The following SLC7A1 variants were observed in gnomAD, a reference collection of about 807,000 sequenced individuals.
SLC7A1 encodes the protein high affinity cationic amino acid transporter 1.
In SLC7A1, 10 loss-of-function variants were observed where a neutral mutation model predicts 53.9. That is an observed-to-expected ratio of 0.19 (90% CI 0.11 to 0.31). The LOEUF (loss-of-function observed/expected upper bound fraction) is 0.31. SLC7A1 is among the 10% of genes least tolerant of loss of function. The pLI, the probability that SLC7A1 is intolerant of heterozygous loss-of-function variation, is 1.00. For synonymous variants in SLC7A1, 342 were observed against 338.7 expected (o/e 1.01, Z -0.11); for missense variants, 525 against 827.2 (o/e 0.63, Z 4.48).
Position 29,546,362 on chromosome 13 carries a change from A to G in SLC7A1, c.-15+7399T>C, listed in dbSNP as rs532582570. On this transcript the variant is annotated intron_variant, in intron 2 of 12. Coordinates refer to ENST00000380752, the MANE Select transcript of SLC7A1 (RefSeq NM_003045.5). ...TTATTTAAAAAGAAATGTTTTAAAC[A>G]AAGTTCCCCCAAGATTAGAACACTG... is the stretch of plus-strand genomic sequence containing the variant. Among the ~76,000 whole-genome samples, 4 of 152,362 alleles carry G rather than the reference A, an allele frequency of 2.6e-5. No individual in the cohort carries two copies. In the East Asian group the frequency reaches 7.7e-4, roughly 29 times the overall value.
At chr13:29,589,316 C>A (rs557117409) in intron 1 of SLC7A1, among the ~76,000 whole-genome samples, 1 of 152,240 alleles carries the variant, frequency 6.6e-6, no homozygotes. Flanking sequence ...AGGGGTCTCC[C>A]CAGGTGGAGA....
In SLC7A1 at chr13:29,516,181, C is replaced by T. The variant is rs375335108; in HGVS notation, c.1743G>A (p.Leu581=). 7 of 1,613,702 alleles carry T rather than the reference C, an allele frequency of 4.3e-6. No individual in the cohort carries two copies. In the African/African-American group the frequency reaches 5.3e-5, roughly 12 times the overall value. Residue 581 remains leucine, a synonymous_variant, in exon 12 of 13, where the codon CTG becomes CTA. Coordinates refer to ENST00000380752, the MANE Select transcript of SLC7A1 (RefSeq NM_003045.5). ...CAAACCGGACCCAGGTGCCCTGGTC[C>T]AGCTGCATCATGAGATAGACGTTCA... The part of the protein sequence containing the change: ...IFVNVYLMMQ[L]DQGTWVRFAV...
At chr13:29,552,228 CACACACACACACACACACACACACACAG>C (rs1247628954) in intron 2 of SLC7A1, among the ~76,000 whole-genome samples, 1 of 142,180 alleles carries the variant, frequency 7.0e-6, no homozygotes, top group Non-Finnish European at 1.5e-5. Context: ...TCATTACACA[CACACACACACACACACACACACACACAG>C]ACACACACAC....
chr13:29,520,555 C>T (rs1483720245), intron 8 of SLC7A1, among the ~76,000 whole-genome samples: 1 of 152,140 alleles, frequency 6.6e-6, no homozygotes, highest in Non-Finnish European at 1.5e-5. Flanking sequence ...CTTTTGTGAG[C>T]GTTGTGAGAG....
intron 1 of SLC7A1, among the ~76,000 whole-genome samples, chr13:29,563,715 A>G (rs2139155891): frequency 6.6e-6 from 1 of 152,218 alleles, no homozygotes; most frequent in African/African-American, 2.4e-5. Context: ...TGCCAGCACT[A>G]CCCTGTGCTG....
chr13:29,526,235 C>T (rs115122210), intron 5 of SLC7A1, among the ~76,000 whole-genome samples: 2,320 of 152,170 alleles, frequency 0.015, 48 homozygotes, highest in African/African-American at 0.052. Flanking sequence ...GAGGCCGAGG[C>T]GGGAGAATCA....
intron 1 of SLC7A1, among the ~76,000 whole-genome samples, chr13:29,571,138 A>G (rs1476326208): frequency 2.0e-5 from 3 of 152,232 alleles, no homozygotes; most frequent in African/African-American, 7.2e-5. Context: ...TGCAAAAATA[A>G]TTGCAGTTTT....
chr13:29,522,232 G>T, intron 8 of SLC7A1, 85 bp downstream of exon 8: 2 of 1,372,256 alleles, frequency 1.5e-6, no homozygotes, highest in Non-Finnish European at 2.1e-6. Flanking sequence ...ATTACTCACA[G>T]ACCAGAACTG....
chr13:29,533,099 T>C (rs1397436966), intron 3 of SLC7A1, 117 bp from the exon 4 acceptor site: 2 of 1,043,432 alleles, frequency 1.9e-6, no homozygotes, highest in African/African-American at 3.2e-5. Context: ...CACTGGAATC[T>C]GGCAGCAGCA....
At chr13:29,530,427 C>A (rs2139093227) in intron 5 of SLC7A1, 111 bp downstream of exon 5, 1 of 967,490 alleles carries the variant, frequency 1.0e-6, no homozygotes, top group Non-Finnish European at 1.6e-6. Context: ...AACAAAATAT[C>A]CTCAAATAAT....
At chr13:29,562,083 C>T (rs1353883028) in intron 1 of SLC7A1, among the ~76,000 whole-genome samples, 1 of 152,222 alleles carries the variant, frequency 6.6e-6, no homozygotes, top group Non-Finnish European at 1.5e-5. Context: ...GACGGACCCA[C>T]ACTTCCTGAC....
intron 5 of SLC7A1, among the ~76,000 whole-genome samples, chr13:29,527,050 T>G (rs576156987): frequency 7.4e-6 from 1 of 135,032 alleles, no homozygotes; most frequent in East Asian, 2.1e-4. Context: ...TGGGCAACCA[T>G]AACAATGAAC....
intron 8 of SLC7A1, among the ~76,000 whole-genome samples, chr13:29,520,332 C>T (rs867102302): frequency 6.6e-6 from 1 of 152,082 alleles, no homozygotes; most frequent in Non-Finnish European, 1.5e-5. Context: ...GACAACAGTG[C>T]TGGGTGATAA....
intron 1 of SLC7A1, among the ~76,000 whole-genome samples, chr13:29,566,250 G>A (rs182946898): frequency 5.3e-5 from 8 of 152,286 alleles, no homozygotes; most frequent in Admixed American, 5.2e-4. Flanking sequence ...GTGCACAGAG[G>A]TACAATACAG....
rs776262800 is a variant in SLC7A1, at chr13:29,516,135, T to C, written c.1786+3A>G. The C allele has an allele frequency of 6.3e-7, 1 of 1,594,306 alleles. No homozygotes were observed. ...TGGACGTGCTGGCAGCAGCATCACA[T>C]ACCTATCAGCATCCACACAGCAAAC... On this transcript the variant is annotated splice_donor_region_variant and intron_variant, in intron 12 of 12. Coordinates refer to ENST00000380752, the MANE Select transcript of SLC7A1 (RefSeq NM_003045.5).
At chr13:29,592,109 C>T (rs1872135072) in intron 1 of SLC7A1, among the ~76,000 whole-genome samples, 1 of 152,188 alleles carries the variant, frequency 6.6e-6, no homozygotes, top group Non-Finnish European at 1.5e-5. Context: ...CAGTATTGGT[C>T]CCAACTCCCC....
At chr13:29,525,392 G>A (rs1374040981) in intron 5 of SLC7A1, among the ~76,000 whole-genome samples, 2 of 152,212 alleles carry the variant, frequency 1.3e-5, no homozygotes, top group Non-Finnish European at 2.9e-5. Context: ...CAGCCACCCA[G>A]CTGCACAGGA....
intron 11 of SLC7A1, 95 bp from the exon 12 acceptor site, chr13:29,516,341 A>C: frequency 1.3e-6 from 1 of 791,376 alleles, no homozygotes; most frequent in Non-Finnish European, 2.1e-6. Flanking sequence ...ACTGAGAGTG[A>C]CAGGGACCGT....
At chr13:29,570,144 T>C (rs557527455) in intron 1 of SLC7A1, among the ~76,000 whole-genome samples, 26 of 152,182 alleles carry the variant, frequency 1.7e-4, no homozygotes, top group Non-Finnish European at 3.5e-4. Context: ...ATTCACATGT[T>C]CCTCTGGCAT....
Sources: gnomAD v4.1 joint callset for allele counts (sites outside exome capture counted in the v4.1 genomes callset) on GRCh38, gnomAD v4.1.1 for gene constraint, MANE v1.5 for transcripts, NCBI Gene and HGNC (gene_info 2026-07-23, HGNC 2026-07-21) for gene names.